PHF20L1: variants seen among roughly 807,000 people sequenced by gnomAD.
PHF20L1 encodes PHD finger protein 20-like protein 1.
Under a neutral mutation model 125.5 loss-of-function variants are expected in PHF20L1, and 44 were observed. The ratio of observed to expected loss-of-function variants is 0.35; its 90% CI spans 0.28 to 0.45. The LOEUF (loss-of-function observed/expected upper bound fraction) is 0.45, where lower values mean the gene tolerates loss of function less well. Among genes scored for constraint, PHF20L1 ranks in the 20% least tolerant of loss-of-function variants. PHF20L1 has a pLI of 1.00. For missense variants in PHF20L1, 1,012 were observed against 1,217.2 expected, an observed-to-expected ratio of 0.83 and a Z score of 2.51; for synonymous variants, 380 against 403.1, an observed-to-expected ratio of 0.94 and a Z score of 0.69.
At chr8:132,837,246 G>A (rs182738871) in intron 16 of PHF20L1, among the ~76,000 whole-genome samples, 1 of 152,236 alleles carries the variant, frequency 6.6e-6, no homozygotes, top group Admixed American at 6.5e-5. Flanking sequence ...TTGAGAGCAT[G>A]AAGAAAGAGT....
intron 8 of PHF20L1, chr8:132,807,250 A>G (rs1470174046): frequency 6.3e-6 from 1 of 159,320 alleles, no homozygotes; most frequent in East Asian, 1.9e-4. Flanking sequence ...TCATTATGTC[A>G]TGTACCTTAT....
At chr8:132,840,050 C>G (rs1306476544) in intron 18 of PHF20L1, among the ~76,000 whole-genome samples, 1 of 152,062 alleles carries the variant, frequency 6.6e-6, no homozygotes, top group Non-Finnish European at 1.5e-5. Context: ...TTAGTCATCC[C>G]ATACAATTTT....
intron 12 of PHF20L1, among the ~76,000 whole-genome samples, chr8:132,822,903 CAT>C (rs145065210): frequency 0.17 from 25,527 of 151,604 alleles, 2,472 homozygotes; most frequent in Admixed American, 0.23. Context: ...TAAATGGTGA[CAT>C]TAAAGCATAA....
At chr8:132,843,484 A>G (rs1295585257) in intron 19 of PHF20L1, 1 of 981,658 alleles carries the variant, frequency 1.0e-6, no homozygotes, top group Non-Finnish European at 1.2e-6. Flanking sequence ...AATTACCATA[A>G]ATAAGTACTT....
chr8:132,818,986 C>T (rs1457367222), intron 12 of PHF20L1: 1 of 151,838 alleles, frequency 6.6e-6, no homozygotes, highest in Non-Finnish European at 1.5e-5. Context: ...AACTAAGAGT[C>T]TTACATTAAC....
intron 9 of PHF20L1, chr8:132,812,473 A>G: frequency 1.0e-6 from 1 of 984,862 alleles, no homozygotes; most frequent in Non-Finnish European, 1.2e-6. Context: ...AAAGAAAGGA[A>G]AATTGTGTAA....
chr8:132,811,949 A>T (rs1475862049), intron 9 of PHF20L1: 3 of 979,656 alleles, frequency 3.1e-6, no homozygotes, highest in Non-Finnish European at 3.6e-6. Flanking sequence ...TCTCCTCTAG[A>T]TGCGTTTTAA....
rs748708314 is a variant in PHF20L1, at chr8:132,839,486, A to G, written c.2291A>G (p.Asn764Ser). 1.9e-6 allele frequency: 3 copies of G among 1,613,342 alleles called. No homozygotes were observed. Among genetic ancestry groups the G allele is most frequent in the Non-Finnish European group, 2.5e-6 (3 of 1,179,422 alleles). The change falls in exon 18 of 21, where the codon AAT becomes AGT. Residue 764 changes from asparagine (N) to serine (S), a missense_variant. Physicochemically the swap from Asn to Ser is conservative, Grantham distance 46. Around this residue, in one of 7 missense-constraint regions of PHF20L1, gnomAD observed 55 missense variants for 114.8 expected, o/e 0.48. Transcript: ENST00000395386. ...SFFKENYSHL[N>S]AKKIVSTHHL... ...TTCAAAGAAAATTATTCTCATCTCAATGCCAAAAAGATAGTTTCTACACAT... is the reference window on the plus strand; with the variant it reads ...TTCAAAGAAAATTATTCTCATCTCAGTGCCAAAAAGATAGTTTCTACACAT...
chr8:132,804,717 G>GAGCTC lies in PHF20L1; in HGVS notation c.825_829dup (p.Arg277GlnfsTer89). On this transcript the variant is annotated frameshift_variant, in exon 8 of 21. Coordinates refer to ENST00000395386, the MANE Select transcript of PHF20L1 (RefSeq NM_016018.5). LOFTEE classifies it high-confidence loss of function. ...CAAGGCAACTCGTTTCAGGCAAAGA[G>GAGCTC]AGCTCGACTTAACAAGATTACTGGT... is the stretch of plus-strand genomic sequence containing the variant. The GAGCTC allele has an allele frequency of 6.2e-7, 1 of 1,608,298 alleles. No individual in the cohort carries two copies. Among genetic ancestry groups the GAGCTC allele is most frequent in the Non-Finnish European group, 8.5e-7 (1 of 1,177,012 alleles).
intron 19 of PHF20L1, chr8:132,843,580 T>C: frequency 1.0e-6 from 1 of 983,244 alleles, no homozygotes; most frequent in Non-Finnish European, 1.2e-6. Context: ...CAAAATGAGT[T>C]ATCTCTGGCA....
At chr8:132,822,606 T>C (rs182399894) in intron 12 of PHF20L1, among the ~76,000 whole-genome samples, 1 of 152,136 alleles carries the variant, frequency 6.6e-6, no homozygotes, top group Admixed American at 6.6e-5. Context: ...GTGCAGCAAG[T>C]AGTAAACAGA....
intron 2 of PHF20L1, among the ~76,000 whole-genome samples, chr8:132,783,420 C>G (rs1830658721): frequency 6.6e-6 from 1 of 152,096 alleles, no homozygotes; most frequent in Non-Finnish European, 1.5e-5. Context: ...AGGAAATTTA[C>G]ATTGTAGCAA....
rs1240776095 is a variant in PHF20L1 at position 132,837,698 on chromosome 8, T to C, written c.2092-14T>C. The C allele has an allele frequency of 1.9e-6, 3 of 1,599,132 alleles. No individual in the cohort carries two copies. The highest frequency in any genetic ancestry group is 2.6e-6 in the Non-Finnish European group (3 of 1,167,216). On this transcript the variant is annotated splice_polypyrimidine_tract_variant and intron_variant, in intron 16 of 20. Transcript: ENST00000395386. ...GAGGATCGGGTGACTGTAATACTCC[T>C]CTGTTTTCTGCAGTGTGAAGAGTGC...
At chr8:132,830,753 C>T (rs1409652347) in intron 14 of PHF20L1, among the ~76,000 whole-genome samples, 1 of 151,998 alleles carries the variant, frequency 6.6e-6, no homozygotes, top group Non-Finnish European at 1.5e-5. Context: ...CATTTCTCAC[C>T]ACTGCCATCC....
At chr8:132,791,451 C>T (rs1416930569) in intron 2 of PHF20L1, among the ~76,000 whole-genome samples, 2 of 151,960 alleles carry the variant, frequency 1.3e-5, no homozygotes, top group Non-Finnish European at 2.9e-5. Context: ...CCGGGTTTCT[C>T]CATGTTGGTC....
intron 2 of PHF20L1, among the ~76,000 whole-genome samples, chr8:132,793,466 G>T (rs1832010568): frequency 6.6e-6 from 1 of 152,004 alleles, no homozygotes; most frequent in Non-Finnish European, 1.5e-5. Flanking sequence ...TTTTTCACGG[G>T]GAAAACAAAG....
rs1414777044 is a variant in PHF20L1, at chr8:132,826,212, G to A, written c.1744+841G>A. 38 of 152,092 alleles carry A rather than the reference G, an allele frequency of 2.5e-4. 1 individual carries two copies. Among genetic ancestry groups the A allele is most frequent in the Admixed American group, 2.5e-3 (38 of 15,256 alleles). The allele number at this position is 152,092 out of a possible 1,614,324, so 9.4% of individuals were successfully genotyped here. On this transcript the variant is annotated intron_variant, in intron 14 of 20. Coordinates refer to ENST00000395386, the MANE Select transcript of PHF20L1 (RefSeq NM_016018.5). The stretch of plus-strand genomic sequence containing the variant: ...AGGATTGGTATGCAAAATTGTATCA[G>A]AAAATTAGATGAAACGCAATTGTTA...
chr8:132,795,733 T>G (rs1302041818), intron 4 of PHF20L1, among the ~76,000 whole-genome samples: 3 of 152,104 alleles, frequency 2.0e-5, no homozygotes, highest in African/African-American at 7.2e-5. Flanking sequence ...TGGAAACTAC[T>G]GAACCCTATA....
At chr8:132,798,944 T>G in intron 5 of PHF20L1, 84 bp downstream of exon 5, 1 of 1,108,018 alleles carries the variant, frequency 9.0e-7, no homozygotes, top group Non-Finnish European at 1.3e-6. Context: ...ATGTATATTT[T>G]TTAAAAATGA....
Sources: gnomAD v4.1 joint callset for allele counts (sites outside exome capture counted in the v4.1 genomes callset) on GRCh38, gnomAD v4.1.1 for gene constraint, gnomAD v4.1.1 regional missense constraint, MANE v1.5 for transcripts, NCBI Gene and HGNC (gene_info 2026-07-23, HGNC 2026-07-21) for gene names.